The following MAGI2 variants were observed in gnomAD, a reference collection of about 807,000 sequenced individuals.
MAGI2 encodes membrane associated guanylate kinase, WW and PDZ domain containing 2, also known as membrane-associated guanylate kinase, WW and PDZ domain-containing protein 2.
Under a neutral mutation model 133.3 loss-of-function variants are expected in MAGI2, and 35 were observed. The observed-to-expected ratio is 0.26, with a 90% CI of 0.20 to 0.35. MAGI2 has a LOEUF of 0.35. Among genes scored for constraint, MAGI2 ranks in the 10% least tolerant of loss-of-function variants. MAGI2 has a pLI of 1.00. For missense variants in MAGI2, 1,636 were observed against 1,863.4 expected, an observed-to-expected ratio of 0.88 and a Z score of 2.25; for synonymous variants, 729 against 710.6, an observed-to-expected ratio of 1.03 and a Z score of -0.41.
intron 1 of MAGI2, among the ~76,000 whole-genome samples, chr7:79,401,471 CG>C (rs1302124943): frequency 5.9e-5 from 9 of 152,238 alleles, no homozygotes; most frequent in African/African-American, 2.2e-4. Context: ...TTTTCTAACA[CG>C]TTACTGTGCC....
chr7:78,181,997 CATTTTT>C (rs1827229657), intron 13 of MAGI2, among the ~76,000 whole-genome samples: 2 of 152,168 alleles, frequency 1.3e-5, no homozygotes, highest in African/African-American at 4.8e-5. Context: ...CAAAGAACAA[CATTTTT>C]ATGAATTAAT....
intron 21 of MAGI2, among the ~76,000 whole-genome samples, chr7:78,076,961 T>C (rs1030745274): frequency 1.1e-4 from 16 of 152,022 alleles, no homozygotes; most frequent in Non-Finnish European, 2.4e-4. Flanking sequence ...TCATGATAGC[T>C]TGAGGTGGCT....
chr7:78,503,135 A>T (rs748176532), intron 4 of MAGI2, among the ~76,000 whole-genome samples: 13 of 152,192 alleles, frequency 8.5e-5, no homozygotes, highest in South Asian at 2.1e-4. Flanking sequence ...CATCTATAGT[A>T]ACTTGAGAAA....
At position 78,019,403 on chromosome 7, in the gene MAGI2, G is replaced by C; in HGVS notation, c.4280C>G (p.Ala1427Gly). The C allele has an allele frequency of 8.5e-7, 1 of 1,179,144 alleles. No homozygotes were observed. The highest frequency in any genetic ancestry group is 1.0e-6 in the Non-Finnish European group (1 of 955,384). The allele number at this position is 1,179,144 out of a possible 1,614,324, so 73.0% of individuals were successfully genotyped here. A position where few individuals can be genotyped will look rare whatever the true frequency, so the allele number is the denominator to read the frequency against. Residue 1427 changes from alanine to glycine, a missense_variant, in exon 22 of 22, where the codon GCC (alanine) becomes GGC (glycine). By Grantham distance (60) the Ala-to-Gly change is moderately conservative (BLOSUM62 0). Coordinates refer to ENST00000354212, the MANE Select transcript of MAGI2 (RefSeq NM_012301.4). ...CTTCCAGGGCCCCGGCGCGACGGCG[G>C]CCTTGCGCGCCGGGGCGCCCCCCGG... ...RPPGGAPARK[A>G]AVAPGPWKVP...
chr7:78,482,567 T>C (rs1442139646), intron 6 of MAGI2, among the ~76,000 whole-genome samples: 1 of 151,966 alleles, frequency 6.6e-6, no homozygotes, highest in Non-Finnish European at 1.5e-5. Flanking sequence ...TGGCATATTA[T>C]ACTGCAATAA....
intron 2 of MAGI2, among the ~76,000 whole-genome samples, chr7:78,864,696 C>T (rs1794414481): frequency 6.6e-6 from 1 of 152,110 alleles, no homozygotes; most frequent in South Asian, 2.1e-4. Flanking sequence ...TCATTTTGCT[C>T]TCATATAATC....
chr7:78,918,838 A>G (rs1419548317), intron 2 of MAGI2, among the ~76,000 whole-genome samples: 2 of 152,134 alleles, frequency 1.3e-5, no homozygotes, highest in Non-Finnish European at 2.9e-5. Flanking sequence ...TATATATACG[A>G]TGAAACTCAT....
intron 1 of MAGI2, among the ~76,000 whole-genome samples, chr7:79,087,502 A>G (rs770034296): frequency 1.3e-4 from 20 of 152,002 alleles, no homozygotes; most frequent in Non-Finnish European, 2.4e-4. Context: ...AAGTTTATGG[A>G]GCATTTAACA....
chr7:78,256,009 C>T lies in MAGI2; in HGVS notation c.1981G>A (p.Glu661Lys). The T allele has an allele frequency of 6.2e-7, 1 of 1,613,782 alleles. No homozygotes were observed. The highest frequency in any genetic ancestry group is 8.5e-7 in the Non-Finnish European group (1 of 1,179,896). The change falls in exon 10 of 22, where the codon GAA becomes AAA. Residue 661 changes from glutamate to lysine, a missense_variant. By Grantham distance (56) the Glu-to-Lys change is moderately conservative. This residue lies in a region of MAGI2 where 920 missense variants were observed against 1,093.5 expected (regional missense o/e 0.84). Coordinates refer to ENST00000354212, the MANE Select transcript of MAGI2 (RefSeq NM_012301.4). ...CAGTCCTTAAGTATATCCACTACTTCTGTATGGCTCAGGTTCTGTACATTC... is the reference window on the plus strand; with the variant it reads ...CAGTCCTTAAGTATATCCACTACTTTTGTATGGCTCAGGTTCTGTACATTC... Reference protein sequence around the residue: ...QQNVQNLSHTEVVDILKDCPI... With the variant: ...QQNVQNLSHTKVVDILKDCPI...
rs144538153 is a variant in MAGI2 at position 78,260,604 on chromosome 7, A to T, written c.1409-4023T>A. Among the ~76,000 whole-genome samples the T allele has an allele frequency of 5.4e-3, 821 of 152,322 alleles. 4 individuals are homozygous for T. The highest frequency in any genetic ancestry group is 0.019 in the African/African-American group (771 of 41,580). ...GATACATTTCTTTTGAAAGCTAAGC[A>T]TATATTTTCATTACTACATTGCTGG... On this transcript the variant is annotated intron_variant, in intron 9 of 21. Transcript: ENST00000354212.
intron 6 of MAGI2, among the ~76,000 whole-genome samples, chr7:78,406,597 G>C (rs1797399218): frequency 6.6e-6 from 1 of 151,976 alleles, no homozygotes; most frequent in Non-Finnish European, 1.5e-5. Context: ...TTTGATATTA[G>C]CCACCTCATA....
chr7:79,378,952 ATATATATATATATATATATT>A (rs1334013744), intron 1 of MAGI2, among the ~76,000 whole-genome samples: 17 of 102,488 alleles, frequency 1.7e-4, no homozygotes, highest in Middle Eastern at 0.01. Context: ...ATATATATAT[ATATATATATATATATATATT>A]AAACTTTAAG....
At chr7:78,783,071 A>G (rs1407592485) in intron 2 of MAGI2, among the ~76,000 whole-genome samples, 1 of 136,804 alleles carries the variant, frequency 7.3e-6, no homozygotes, top group East Asian at 2.1e-4. Flanking sequence ...GTCTGCAAAC[A>G]TCTTGATGGC....
chr7:78,100,050 C>T (rs1818067478), intron 20 of MAGI2, among the ~76,000 whole-genome samples: 1 of 152,132 alleles, frequency 6.6e-6, no homozygotes, highest in Non-Finnish European at 1.5e-5. Context: ...TCACTAGAGG[C>T]CTCTAATTCA....
intron 7 of MAGI2, chr7:78,358,203 ATATATATATAT>A: frequency 4.4e-5 from 1 of 22,632 alleles, no homozygotes; most frequent in South Asian, 1.4e-3. Flanking sequence ...AAAAATATAT[ATATATATATAT>A]ATATATATAT....
intron 1 of MAGI2, among the ~76,000 whole-genome samples, chr7:79,382,452 A>G (rs1843859402): frequency 6.6e-6 from 1 of 151,600 alleles, no homozygotes; most frequent in South Asian, 2.1e-4. Context: ...CCAGACATAC[A>G]GTACCCAACT....
At chr7:78,099,386 TTC>T (rs1358941424) in intron 20 of MAGI2, among the ~76,000 whole-genome samples, 3 of 152,206 alleles carry the variant, frequency 2.0e-5, no homozygotes, top group Non-Finnish European at 1.5e-5. Context: ...TACAATAGTG[TTC>T]TGTTTAATGC....
intron 1 of MAGI2, among the ~76,000 whole-genome samples, chr7:79,203,033 T>G (rs1281972232): frequency 6.6e-6 from 1 of 152,036 alleles, no homozygotes; most frequent in Non-Finnish European, 1.5e-5. Context: ...GCCCAACATC[T>G]TTCCATTTTA....
At chr7:78,605,947 C>T (rs1360720203) in intron 3 of MAGI2, among the ~76,000 whole-genome samples, 1 of 152,136 alleles carries the variant, frequency 6.6e-6, no homozygotes, top group African/African-American at 2.4e-5. Context: ...GGTAAGGACA[C>T]TACTCGTTGG....
Sources: allele counts gnomAD v4.1 joint callset (sites outside exome capture counted in the v4.1 genomes callset), GRCh38; gene constraint gnomAD v4.1.1; regional missense constraint gnomAD v4.1.1; transcripts MANE v1.5; gene names NCBI Gene and HGNC (gene_info 2026-07-23, HGNC 2026-07-21).